The following ECSCR variants were observed in gnomAD, a reference collection of about 807,000 sequenced individuals.
ECSCR encodes the protein endothelial cell surface expressed chemotaxis and apoptosis regulator.
In ECSCR, 12 loss-of-function variants were observed where a neutral mutation model predicts 16.7. That is an observed-to-expected ratio of 0.72 (90% CI 0.46 to 1.17). The LOEUF is 1.17. Among genes scored for constraint, ECSCR ranks in the 50% most tolerant of loss-of-function variants. ECSCR has a pLI of 0.00. For missense variants in ECSCR, 122 were observed against 116.1 expected, an observed-to-expected ratio of 1.05 and a Z score of -0.23; for synonymous variants, 44 against 42.2, an observed-to-expected ratio of 1.04 and a Z score of -0.17.
At chr5:139,452,212 TGTG>T (rs1751069872) in intron 8 of ECSCR, among the ~76,000 whole-genome samples, 1 of 142,402 alleles carries the variant, frequency 7.0e-6, no homozygotes, top group South Asian at 2.3e-4. Context: ...GGATGTGTGG[TGTG>T]TGGTGTGTAG....
At chr5:139,462,525 A>G in intron 1 of ECSCR, 85 bp downstream of exon 1, 2 of 1,357,434 alleles carry the variant, frequency 1.5e-6, no homozygotes, top group East Asian at 2.5e-5. Flanking sequence ...GATGGAAAGC[A>G]TGTGTCTCCT....
Position 139,458,320 on chromosome 5 carries a change from G to GT in ECSCR, c.62-138dup, listed in dbSNP as rs1436113177. 1,306 of 670,516 alleles carry GT rather than the reference G, an allele frequency of 1.9e-3. 6 individuals carry two copies. The African/African-American group carries it at 0.021, about 11-fold the overall frequency. The allele number at this position is 670,516 out of a possible 1,614,324, so 41.5% of individuals were successfully genotyped here. ...TGTCTCTAAAAAAAAATTTTGTTTT[G>GT]TTTTGTTTTTTTTTTTTTTTTAAAT... On this transcript the variant is annotated intron_variant, in intron 1 of 9. Transcript: ENST00000618155.
At chr5:139,458,500 C>CAAAAAAAAAAAAAAAAAA (rs397882364) in intron 1 of ECSCR, among the ~76,000 whole-genome samples, 30 of 85,352 alleles carry the variant, frequency 3.5e-4, no homozygotes, top group African/African-American at 1.2e-3. Context: ...CCTATCTCAA[C>CAAAAAAAAAAAAAAAAAA]AAAAAAAAAA....
Position 139,448,727 on chromosome 5 carries a change from G to A in ECSCR, c.*173C>T. ...ATACAGGAAAGAGTCTCCCCTGTTG[G>A]TAGCTTGCTCCCAGATCTGGGGCAA... On this transcript the variant is annotated 3_prime_UTR_variant, in exon 10 of 10. Coordinates refer to ENST00000618155, the MANE Select transcript of ECSCR (RefSeq NM_001077693.4). The A allele has an allele frequency of 7.0e-7, 1 of 1,437,738 alleles. No homozygotes were observed. Among genetic ancestry groups the A allele is most frequent in the Non-Finnish European group, 9.1e-7 (1 of 1,101,392 alleles). The allele number at this position is 1,437,738 out of a possible 1,614,324, so 89.1% of individuals were successfully genotyped here.
intron 3 of ECSCR, 73 bp from the exon 4 acceptor site, chr5:139,457,677 A>G: frequency 6.5e-7 from 1 of 1,544,122 alleles, no homozygotes; most frequent in Non-Finnish European, 9.0e-7. Flanking sequence ...TGTCCCACCC[A>G]AGAACCCCTG....
intron 1 of ECSCR, among the ~76,000 whole-genome samples, chr5:139,458,959 C>T (rs1245469618): frequency 6.6e-6 from 1 of 152,116 alleles, no homozygotes; most frequent in African/African-American, 2.4e-5. Flanking sequence ...CTGTGGCTCA[C>T]GGTGCTGGCT....
At position 139,449,169 on chromosome 5, in the gene ECSCR, G is replaced by A; in HGVS notation, c.518C>T (p.Ser173Phe). ...PGSSGLSESCSTANGEKDSIT... is the reference protein window; with the variant it reads ...PGSSGLSESCFTANGEKDSIT... ...GCTGTCTTTCTCTCCATTGGCTGTG[G>A]AGCAGCTGGGGGAGGAAGGGGGTCT... The change falls in exon 9 of 10, where the codon TCC (serine) becomes TTC (phenylalanine). Residue 173 changes from serine (S) to phenylalanine (F), a missense_variant. Physicochemically the swap from Ser to Phe is radical, Grantham distance 155. Coordinates refer to ENST00000618155, the MANE Select transcript of ECSCR (RefSeq NM_001077693.4). 1 of 1,537,094 alleles carries A rather than the reference G, an allele frequency of 6.5e-7. No individual in the cohort carries two copies. Among genetic ancestry groups the A allele is most frequent in the Non-Finnish European group, 8.7e-7 (1 of 1,146,804 alleles).
intron 1 of ECSCR, among the ~76,000 whole-genome samples, chr5:139,459,704 C>T (rs1031898277): frequency 6.6e-6 from 1 of 152,250 alleles, no homozygotes; most frequent in African/African-American, 2.4e-5. Context: ...GGGACTACAG[C>T]CCCTGGCCTG....
At chr5:139,457,998 G>T in intron 2 of ECSCR, 141 bp downstream of exon 2, 1 of 1,160,658 alleles carries the variant, frequency 8.6e-7, no homozygotes, top group Non-Finnish European at 1.2e-6. Flanking sequence ...GATGAGCTCA[G>T]CCTTGGTGAG....
In ECSCR at chr5:139,461,058, A is replaced by T. The variant is rs575129358; in HGVS notation, c.61+1552T>A. Reference sequence around the variant, plus strand: ...TGCCTGTAGCCCCCAGCTACACAGGAGGCTAAGGCAGGAGGATTGCTTGAG... The same window carrying T: ...TGCCTGTAGCCCCCAGCTACACAGGTGGCTAAGGCAGGAGGATTGCTTGAG... On this transcript the variant is annotated intron_variant, in intron 1 of 9. Transcript: ENST00000618155. Among the ~76,000 whole-genome samples, 8 of 152,236 alleles carry T rather than the reference A, an allele frequency of 5.3e-5. No homozygotes were observed. The East Asian group carries it at 1.3e-3, about 26-fold the overall frequency.
In ECSCR at chr5:139,462,712, G is replaced by A. The variant is rs1234942478; in HGVS notation, c.-42C>T. The A allele has an allele frequency of 4.6e-6, 7 of 1,526,830 alleles. No individual in the cohort carries two copies. The highest frequency in any genetic ancestry group is 4.4e-6 in the Non-Finnish European group (5 of 1,128,514). 94.6% of individuals were successfully genotyped at this position (1,526,830 alleles called of 1,614,324 possible). A position where few individuals can be genotyped will look rare whatever the true frequency, so the allele number is the denominator to read the frequency against. On this transcript the variant is annotated 5_prime_UTR_variant, in exon 1 of 10. Transcript: ENST00000618155. ...GCGGGCAGGCAGCAGCTCAGTGGAG[G>A]CTCTGTCCATAGTGGAGAAGAGAGA...
chr5:139,454,795 G>A (rs2152089018), intron 7 of ECSCR, 30 bp downstream of exon 7: 1 of 398,362 alleles, frequency 2.5e-6, no homozygotes, highest in East Asian at 3.6e-5. Context: ...CAGCAGAGGG[G>A]AAAAAGATCC....
chr5:139,457,715 T>C, intron 3 of ECSCR, 42 bp downstream of exon 3: 1 of 1,610,942 alleles, frequency 6.2e-7, no homozygotes, highest in Non-Finnish European at 8.5e-7. Flanking sequence ...AATGAATGGG[T>C]GTGGGGCAGG....
chr5:139,456,857 C>T lies in ECSCR; in HGVS notation c.218-339G>A, dbSNP rs1751169039. On this transcript the variant is annotated intron_variant, in intron 4 of 9. Coordinates refer to ENST00000618155, the MANE Select transcript of ECSCR (RefSeq NM_001077693.4). Reference sequence around the variant, plus strand: ...CCTGAAGAGGGCAGAAGGAACCCATCCAGATGGAACCCAGTGTTTTTCACC... The same window carrying T: ...CCTGAAGAGGGCAGAAGGAACCCATTCAGATGGAACCCAGTGTTTTTCACC... 2.6e-5 allele frequency among the ~76,000 whole-genome samples: 4 copies of T among 152,318 alleles called. No individual in the cohort carries two copies. The South Asian group carries it at 8.3e-4, about 32-fold the overall frequency.
At position 139,458,330 on chromosome 5, in the gene ECSCR, T is replaced by G. The variant is rs140879930; in HGVS notation, c.62-147A>C. The G allele has an allele frequency of 3.8e-3, 2,656 of 707,970 alleles. 10 individuals carry two copies. Among genetic ancestry groups the G allele is most frequent in the East Asian group, 0.024 (878 of 36,726 alleles). The allele number at this position is 707,970 out of a possible 1,614,324, so 43.9% of individuals were successfully genotyped here. On this transcript the variant is annotated intron_variant, in intron 1 of 9. Transcript: ENST00000618155. ...AAAAAATTTTGTTTTGTTTTGTTTT[T>G]TTTTTTTTTTTAAATTCTCCAGGCA...
At chr5:139,458,530 A>G (rs1370302408) in intron 1 of ECSCR, among the ~76,000 whole-genome samples, 53 of 137,796 alleles carry the variant, frequency 3.8e-4, no homozygotes, top group Admixed American at 9.7e-4. Context: ...AAAAAAAAAA[A>G]AAAGAAAGAA....
rs968557124 is a variant in ECSCR, at chr5:139,456,439, C to G, written c.262+35G>C. The G allele has an allele frequency of 2.3e-5, 9 of 398,472 alleles. No homozygotes were observed. The South Asian group carries it at 1.1e-3, about 51-fold the overall frequency. The allele number at this position is 398,472 out of a possible 1,614,324, so 24.7% of individuals were successfully genotyped here. A position where few individuals can be genotyped will look rare whatever the true frequency, so the allele number is the denominator to read the frequency against. Reference sequence around the variant, plus strand: ...AGAAAGGGTCACAGACATCTCCTGCCGACTTCTCTTCAGGGCGAGTGCAGC... The same window carrying G: ...AGAAAGGGTCACAGACATCTCCTGCGGACTTCTCTTCAGGGCGAGTGCAGC... On this transcript the variant is annotated intron_variant, in intron 5 of 9. Transcript: ENST00000618155.
chr5:139,458,086 T>G (rs1751199390), intron 2 of ECSCR, 53 bp downstream of exon 2: 2 of 1,526,514 alleles, frequency 1.3e-6, no homozygotes, highest in Non-Finnish European at 1.8e-6. Context: ...CCTCTCACCC[T>G]TCCTAAGCTC....
chr5:139,457,630 G>A, intron 3 of ECSCR, 26 bp from the exon 4 acceptor site: 2 of 1,015,930 alleles, frequency 2.0e-6, no homozygotes, highest in Non-Finnish European at 3.2e-6. Flanking sequence ...CAGATAGGGA[G>A]TGGGAGGTGG....
Sources: gnomAD v4.1 joint callset for allele counts (sites outside exome capture counted in the v4.1 genomes callset) on GRCh38, gnomAD v4.1.1 for gene constraint, MANE v1.5 for transcripts, NCBI Gene and HGNC (gene_info 2026-07-23, HGNC 2026-07-21) for gene names.